The following GLIS3 variants were observed in gnomAD, a reference collection of about 807,000 sequenced individuals.
The protein encoded by GLIS3 is zinc finger protein GLIS3.
In GLIS3, 53 loss-of-function variants were observed where a neutral mutation model predicts 78.6. That is an observed-to-expected ratio of 0.67 (90% CI 0.54 to 0.85). GLIS3 has a LOEUF of 0.85. Among genes scored for constraint, GLIS3 ranks in the 40% least tolerant of loss-of-function variants. GLIS3 has a pLI of 0.00. For synonymous variants in GLIS3, 684 were observed against 509.9 expected, an observed-to-expected ratio of 1.34 and a Z score of -4.60; for missense variants, 1,703 against 1,231.1, an observed-to-expected ratio of 1.38 and a Z score of -5.74.
the GLIS3 span, among the ~76,000 whole-genome samples, chr9:4,411,434 T>C: frequency 6.6e-6 from 1 of 152,208 alleles, no homozygotes; most frequent in Admixed American, 6.5e-5. Flanking sequence ...ATAATGTTCT[T>C]GTACATATTT....
chr9:4,060,316 C>A (rs748128636), intron 4 of GLIS3, among the ~76,000 whole-genome samples: 2 of 152,180 alleles, frequency 1.3e-5, no homozygotes, highest in African/African-American at 2.4e-5. Flanking sequence ...AACCTCAAAT[C>A]TGGTTCCTGA....
rs116169598 is a variant in GLIS3 at position 4,054,296 on chromosome 9, C to G, written c.1710+63472G>C. ...CTCAGCACAGACCAGAGCCTGCAAA[C>G]AACGTACTCTACAGATGTTTCCACA... On this transcript the variant is annotated intron_variant, in intron 4 of 10. Transcript: ENST00000381971. 737 of 978,810 alleles carry G rather than the reference C, an allele frequency of 7.5e-4. 10 individuals carry two copies. The African/African-American group carries it at 0.012, about 16-fold the overall frequency. 60.6% of individuals were successfully genotyped at this position (978,810 alleles called of 1,614,324 possible).
chr9:4,444,988 G>A, the GLIS3 span, among the ~76,000 whole-genome samples: 37 of 152,268 alleles, frequency 2.4e-4, no homozygotes, highest in African/African-American at 7.7e-4. Flanking sequence ...CTCTCCCGTT[G>A]CCCTTGGAGT....
chr9:4,170,446 C>G (rs7865209), intron 2 of GLIS3, among the ~76,000 whole-genome samples: 86,408 of 151,874 alleles, frequency 0.57, 24,818 homozygotes, highest in East Asian at 0.81. Flanking sequence ...TAAGACATGG[C>G]ACACGGTGTT....
chr9:4,024,303 T>G (rs1823131285), intron 4 of GLIS3, among the ~76,000 whole-genome samples: 1 of 152,182 alleles, frequency 6.6e-6, no homozygotes, highest in Admixed American at 6.6e-5. Flanking sequence ...GCATCACGGC[T>G]GTACGAGCTG....
intron 4 of GLIS3, among the ~76,000 whole-genome samples, chr9:4,033,040 A>C (rs574985259): frequency 2.6e-5 from 4 of 151,956 alleles, no homozygotes; most frequent in African/African-American, 9.7e-5. Flanking sequence ...TTTTTAGTAG[A>C]GACGGGGTTT....
intron 2 of GLIS3, among the ~76,000 whole-genome samples, chr9:4,241,629 C>G (rs1823321758): frequency 1.3e-5 from 2 of 151,978 alleles, no homozygotes; most frequent in Admixed American, 6.6e-5. Context: ...AAATTTAATG[C>G]AAGGGAATTT....
intron 2 of GLIS3, among the ~76,000 whole-genome samples, chr9:4,324,701 G>A (rs893174504): frequency 4.6e-5 from 7 of 152,142 alleles, no homozygotes; most frequent in Non-Finnish European, 8.8e-5. Context: ...GCAAGGAAGC[G>A]GGAAGCCTGC....
chr9:3,868,118 TG>T (rs1484692346), intron 8 of GLIS3, among the ~76,000 whole-genome samples: 1 of 152,264 alleles, frequency 6.6e-6, no homozygotes, highest in African/African-American at 2.4e-5. Flanking sequence ...CTTAATTGCC[TG>T]TGTTTATTTG....
At chr9:4,364,070 T>C in the GLIS3 span, among the ~76,000 whole-genome samples, 5 of 152,230 alleles carry the variant, frequency 3.3e-5, no homozygotes, top group Non-Finnish European at 1.5e-5. Flanking sequence ...ATTAAAAGCA[T>C]ATACCATTTA....
the GLIS3 span, among the ~76,000 whole-genome samples, chr9:4,469,633 A>G: frequency 2.7e-4 from 41 of 152,228 alleles, no homozygotes; most frequent in Non-Finnish European, 4.4e-4. Context: ...ACACATTTAA[A>G]GCAGTGTTAG....
At chr9:4,404,373 C>T in the GLIS3 span, among the ~76,000 whole-genome samples, 9,992 of 152,118 alleles carry the variant, frequency 0.066, 717 homozygotes, top group East Asian at 0.3. Flanking sequence ...ACAAATGAAC[C>T]TAATGAGTAG....
At chr9:3,984,744 A>G (rs921990406) in intron 4 of GLIS3, among the ~76,000 whole-genome samples, 3 of 152,212 alleles carry the variant, frequency 2.0e-5, no homozygotes, top group Admixed American at 6.5e-5. Context: ...GTCCCCATCC[A>G]AATCTCATCT....
At chr9:3,875,725 G>C (rs1170790140) in intron 8 of GLIS3, 1 of 152,180 alleles carries the variant, frequency 6.6e-6, no homozygotes, top group Admixed American at 6.5e-5. Context: ...GATTGGAAGA[G>C]AGAACCTGCC....
At position 4,206,080 on chromosome 9, in the gene GLIS3, A is replaced by G. The variant is rs181707047; in HGVS notation, c.388+79958T>C. 9.1e-4 allele frequency among the ~76,000 whole-genome samples: 138 copies of G among 152,362 alleles called. 2 individuals are homozygous for G. Among genetic ancestry groups the G allele is most frequent in the Admixed American group, 3.0e-3 (46 of 15,312 alleles). Reference sequence around the variant, plus strand: ...GTTGAAGGTATGGAAGGGAAAATATATAAGTGGTACAAGATCCCCCCATTT... The same window carrying G: ...GTTGAAGGTATGGAAGGGAAAATATGTAAGTGGTACAAGATCCCCCCATTT... On this transcript the variant is annotated intron_variant, in intron 2 of 10. Coordinates refer to ENST00000381971, the MANE Select transcript of GLIS3 (RefSeq NM_001042413.2).
At chr9:3,998,552 A>G (rs1820904007) in intron 4 of GLIS3, among the ~76,000 whole-genome samples, 1 of 151,740 alleles carries the variant, frequency 6.6e-6, no homozygotes, top group South Asian at 2.1e-4. Flanking sequence ...AGTAGAGTTT[A>G]AGATTTCTTT....
chr9:4,363,737 A>G, the GLIS3 span, among the ~76,000 whole-genome samples: 7 of 152,144 alleles, frequency 4.6e-5, no homozygotes, highest in Admixed American at 4.6e-4. Context: ...TGCTCTACCC[A>G]TAGAAATTTC....
At chr9:4,350,720 T>G (rs1159235317), upstream of GLIS3, among the ~76,000 whole-genome samples, 5 of 152,218 alleles carry the variant, frequency 3.3e-5, 1 homozygote, top group African/African-American at 9.6e-5. Context: ...AAGGAAGAGT[T>G]GGGATTGATG....
At chr9:4,263,121 G>C (rs1278656282) in intron 2 of GLIS3, among the ~76,000 whole-genome samples, 1 of 152,024 alleles carries the variant, frequency 6.6e-6, no homozygotes, top group African/African-American at 2.4e-5. Flanking sequence ...AATGGCCATG[G>C]GCTTGACCTC....
Sources: allele counts gnomAD v4.1 joint callset (sites outside exome capture counted in the v4.1 genomes callset), GRCh38; gene constraint gnomAD v4.1.1; transcripts MANE v1.5; gene names NCBI Gene and HGNC (gene_info 2026-07-23, HGNC 2026-07-21).